The following ARL15 variants were observed in gnomAD, a reference collection of about 807,000 sequenced individuals.
The protein encoded by ARL15 is ARF like GTPase 15.
ARL15 carries 19 observed loss-of-function variants against 25.2 expected under a neutral mutation model. The observed-to-expected ratio is 0.75, with a 90% confidence interval of 0.53 to 1.10. ARL15 has a LOEUF of 1.10. Among genes scored for constraint, ARL15 ranks in the 50% least tolerant of loss-of-function variants. ARL15 has a pLI of 0.00. For synonymous variants in ARL15, 94 were observed against 86.8 expected (o/e 1.08, Z -0.46); for missense variants, 220 against 246.0 (o/e 0.89, Z 0.71).
chr5:53,916,622 A>T (rs1745658479), intron 4 of ARL15, among the ~76,000 whole-genome samples: 1 of 152,206 alleles, frequency 6.6e-6, no homozygotes, highest in Admixed American at 6.5e-5. Context: ...CTTTTAAGGC[A>T]TCAGTACTAA....
intron 2 of ARL15, among the ~76,000 whole-genome samples, chr5:54,168,848 C>T (rs1198271675): frequency 1.3e-5 from 2 of 152,166 alleles, no homozygotes; most frequent in Non-Finnish European, 2.9e-5. Context: ...TAATATAACA[C>T]ATATCACATT....
intron 1 of ARL15, among the ~76,000 whole-genome samples, chr5:54,287,220 T>G (rs1396517927): frequency 1.3e-5 from 2 of 151,930 alleles, no homozygotes; most frequent in Admixed American, 6.6e-5. Context: ...AGGTAAGTGT[T>G]AAGTATAGAA....
At chr5:54,246,756 T>A (rs544206004) in intron 1 of ARL15, among the ~76,000 whole-genome samples, 1 of 151,032 alleles carries the variant, frequency 6.6e-6, no homozygotes, top group Admixed American at 6.6e-5. Flanking sequence ...CACCACCTCC[T>A]GCTTAAGAGG....
At position 54,079,967 on chromosome 5, in the gene ARL15, TCACACACACACACACA is replaced by T. The variant is rs58908566; in HGVS notation, c.462+33219_462+33234del. ...CCTCGGTGACAAGAGTGAGACTCCG[TCACACACACACACACA>T]CACACACACACACACACACACACAC... On this transcript the variant is annotated intron_variant, in intron 4 of 4. Transcript: ENST00000504924. Among the ~76,000 whole-genome samples the T allele has an allele frequency of 2.5e-3, 314 of 124,380 alleles. 2 individuals are homozygous for T. Among genetic ancestry groups the T allele is most frequent in the Non-Finnish European group, 3.8e-3 (230 of 59,774 alleles). 81.6% of individuals were successfully genotyped at this position (124,380 alleles called of 152,430 possible). A position where few individuals can be genotyped will look rare whatever the true frequency, so the allele number is the denominator to read the frequency against.
intron 4 of ARL15, among the ~76,000 whole-genome samples, chr5:54,033,717 T>A (rs1344235229): frequency 6.6e-6 from 1 of 151,568 alleles, no homozygotes; most frequent in East Asian, 1.9e-4. Context: ...TCTTTTAGAG[T>A]TGTTGAATAT....
Position 54,280,848 on chromosome 5 carries a change from G to A in ARL15, c.48+29584C>T, listed in dbSNP as rs143667350. On this transcript the variant is annotated intron_variant, in intron 1 of 4. Coordinates refer to ENST00000504924, the MANE Select transcript of ARL15 (RefSeq NM_019087.3). ...CACCCTAGGCCTCTAAAGGGAAAAT[G>A]TCAAGACATTTTATCACTTAATCTG... Among the ~76,000 whole-genome samples, 859 of 152,052 alleles carry A rather than the reference G, an allele frequency of 5.6e-3. 10 individuals carry two copies. Among genetic ancestry groups the A allele is most frequent in the African/African-American group, 0.02 (812 of 41,484 alleles).
intron 4 of ARL15, among the ~76,000 whole-genome samples, chr5:54,100,824 G>A (rs1045928718): frequency 5.9e-5 from 9 of 151,898 alleles, no homozygotes; most frequent in African/African-American, 2.2e-4. Flanking sequence ...TAGTAATAAA[G>A]CAGCCTGGTT....
chr5:54,236,762 AATCTTTT>A (rs1756821647), intron 1 of ARL15, among the ~76,000 whole-genome samples: 1 of 152,148 alleles, frequency 6.6e-6, no homozygotes, highest in South Asian at 2.1e-4. Context: ...AAAACTCTTT[AATCTTTT>A]ATCTATTTTA....
intron 4 of ARL15, among the ~76,000 whole-genome samples, chr5:54,041,519 A>G (rs1206772898): frequency 6.6e-6 from 1 of 152,218 alleles, no homozygotes; most frequent in Non-Finnish European, 1.5e-5. Flanking sequence ...AGGTTAATAG[A>G]CTTGCTCAAG....
chr5:54,249,335 A>G (rs1303574525), intron 1 of ARL15, among the ~76,000 whole-genome samples: 1 of 152,218 alleles, frequency 6.6e-6, no homozygotes, highest in Non-Finnish European at 1.5e-5. Flanking sequence ...AAAGTCCATC[A>G]GTAAAGAGAA....
At chr5:54,089,091 C>T (rs1159199538) in intron 4 of ARL15, among the ~76,000 whole-genome samples, 1 of 152,134 alleles carries the variant, frequency 6.6e-6, no homozygotes, top group Non-Finnish European at 1.5e-5. Flanking sequence ...ATTCAAAGTG[C>T]TGTAAAAAGA....
chr5:54,180,298 C>A (rs899589165), intron 1 of ARL15, among the ~76,000 whole-genome samples: 1 of 152,090 alleles, frequency 6.6e-6, no homozygotes, highest in Non-Finnish European at 1.5e-5. Context: ...AATGAGCATG[C>A]GATCTCTTAG....
At chr5:54,023,528 CAT>C (rs1245191087) in intron 4 of ARL15, among the ~76,000 whole-genome samples, 1 of 78,020 alleles carries the variant, frequency 1.3e-5, no homozygotes, top group African/African-American at 3.8e-5. Context: ...CAAATCTACA[CAT>C]GTGAAAAAAA....
intron 4 of ARL15, among the ~76,000 whole-genome samples, chr5:54,083,340 G>T (rs1751863776): frequency 1.3e-5 from 2 of 152,282 alleles, no homozygotes; most frequent in African/African-American, 4.8e-5. Flanking sequence ...AACTTCTAAT[G>T]CAACTGAAAT....
chr5:54,092,070 A>ACACACACACACACACACACACAC lies in ARL15; in HGVS notation c.462+21131_462+21132insGTGTGTGTGTGTGTGTGTGTGTG, dbSNP rs746618758. ...AAAACACACACACACACACACACAC[A>ACACACACACACACACACACACAC]CACCACCACCACCACCACCATCACC... On this transcript the variant is annotated intron_variant, in intron 4 of 4. Transcript: ENST00000504924. 1.2e-3 allele frequency among the ~76,000 whole-genome samples: 186 copies of ACACACACACACACACACACACAC among 151,568 alleles called. 2 individuals carry two copies. The South Asian group carries it at 0.013, about 11-fold the overall frequency.
intron 1 of ARL15, among the ~76,000 whole-genome samples, chr5:54,248,170 C>A (rs1442583019): frequency 6.6e-6 from 1 of 152,082 alleles, no homozygotes; most frequent in Admixed American, 6.6e-5. Flanking sequence ...AGCTCCAACC[C>A]CCAGAGTGAT....
chr5:54,161,658 G>GT (rs1176176455), intron 2 of ARL15, among the ~76,000 whole-genome samples: 1 of 152,094 alleles, frequency 6.6e-6, no homozygotes, highest in Admixed American at 6.6e-5. Context: ...GATGTTATTT[G>GT]TAAGTGTGGT....
At chr5:54,150,004 T>G (rs1754018512) in intron 3 of ARL15, among the ~76,000 whole-genome samples, 1 of 152,156 alleles carries the variant, frequency 6.6e-6, no homozygotes, top group Non-Finnish European at 1.5e-5. Context: ...GAAAACCCCT[T>G]CAGGTGTGAA....
chr5:54,225,205 T>A (rs1338129787), intron 1 of ARL15, among the ~76,000 whole-genome samples: 1 of 152,034 alleles, frequency 6.6e-6, no homozygotes, highest in Non-Finnish European at 1.5e-5. Context: ...ATGGGGAAAC[T>A]CAAAATTTCA....
Sources: gnomAD v4.1 joint callset for allele counts (sites outside exome capture counted in the v4.1 genomes callset) on GRCh38, gnomAD v4.1.1 for gene constraint, MANE v1.5 for transcripts, NCBI Gene and HGNC (gene_info 2026-07-23, HGNC 2026-07-21) for gene names.